DPP10: variants seen among roughly 807,000 people sequenced by gnomAD.
DPP10 encodes dipeptidyl peptidase like 10, also known as inactive dipeptidyl peptidase 10.
In DPP10, 33 loss-of-function variants were observed where a neutral mutation model predicts 120.9. The observed-to-expected ratio is 0.27, with a 90% confidence interval of 0.21 to 0.37. The LOEUF (loss-of-function observed/expected upper bound fraction) is 0.37, where lower values mean the gene tolerates loss of function less well. Ranked by LOEUF, DPP10 falls within the 10% of genes least tolerant of loss-of-function variation. The pLI, the probability that DPP10 is intolerant of heterozygous loss-of-function variation, is 1.00. For missense variants in DPP10, 816 were observed against 942.8 expected, an observed-to-expected ratio of 0.87 and a Z score of 1.76; for synonymous variants, 337 against 326.1, an observed-to-expected ratio of 1.03 and a Z score of -0.36.
At chr2:114,910,827 T>C (rs1322035201) in intron 1 of DPP10, among the ~76,000 whole-genome samples, 1 of 152,154 alleles carries the variant, frequency 6.6e-6, no homozygotes, top group Non-Finnish European at 1.5e-5. Context: ...TTTGATACAT[T>C]TTTTTCAATT....
At chr2:114,591,632 G>T (rs1259021205) in intron 1 of DPP10, among the ~76,000 whole-genome samples, 1 of 145,076 alleles carries the variant, frequency 6.9e-6, no homozygotes, top group Non-Finnish European at 1.5e-5. Flanking sequence ...TTGGCTCACT[G>T]CAACCTCTGC....
At chr2:115,781,395 G>C (rs1682748452) in intron 16 of DPP10, among the ~76,000 whole-genome samples, 1 of 151,824 alleles carries the variant, frequency 6.6e-6, no homozygotes, top group Non-Finnish European at 1.5e-5. Flanking sequence ...GGAAATTTAG[G>C]ACCTGTGGAA....
At chr2:115,752,360 A>T (rs1226177232) in intron 10 of DPP10, among the ~76,000 whole-genome samples, 2 of 152,186 alleles carry the variant, frequency 1.3e-5, no homozygotes, top group Non-Finnish European at 2.9e-5. Flanking sequence ...GACATATTGT[A>T]TACCTGTCCA....
chr2:115,088,673 T>G (rs2104542546), intron 1 of DPP10, among the ~76,000 whole-genome samples: 1 of 129,334 alleles, frequency 7.7e-6, no homozygotes, highest in African/African-American at 2.9e-5. Flanking sequence ...CTCAAATTCC[T>G]GGCCTCAAGC....
chr2:114,976,933 T>C (rs892623882), intron 1 of DPP10, among the ~76,000 whole-genome samples: 3 of 152,162 alleles, frequency 2.0e-5, no homozygotes, highest in African/African-American at 7.2e-5. Flanking sequence ...ATCTTCCATA[T>C]CTATCATCTT....
intron 3 of DPP10, among the ~76,000 whole-genome samples, chr2:115,391,070 C>T (rs1353065959): frequency 6.6e-6 from 1 of 152,094 alleles, no homozygotes; most frequent in Non-Finnish European, 1.5e-5. Context: ...GCAGAGCTGT[C>T]AAGAAGGCTA....
intron 3 of DPP10, among the ~76,000 whole-genome samples, chr2:115,384,536 A>G (rs28862304): frequency 8.1e-6 from 1 of 124,096 alleles, no homozygotes; most frequent in African/African-American, 2.9e-5. Flanking sequence ...AGAAGAAGAA[A>G]GAAGAAGAAG....
intron 5 of DPP10, among the ~76,000 whole-genome samples, chr2:115,575,619 C>T (rs1575220678): frequency 6.6e-6 from 1 of 152,274 alleles, no homozygotes; most frequent in Middle Eastern, 3.4e-3. Context: ...CAGGATCTCA[C>T]CCTTGCAATT....
In DPP10 at chr2:114,524,881, C is replaced by A. The variant is rs576973645; in HGVS notation, c.60+82043C>A. On this transcript the variant is annotated intron_variant, in intron 1 of 25. Transcript: ENST00000410059. Reference sequence around the variant, plus strand: ...TCTTTTATTACATGAATCTAAATTTCATTGAATCCCATTCCTTCTTCCTCT... The same window carrying A: ...TCTTTTATTACATGAATCTAAATTTAATTGAATCCCATTCCTTCTTCCTCT... 2.0e-5 allele frequency among the ~76,000 whole-genome samples: 3 copies of A among 152,302 alleles called. No individual in the cohort carries two copies. The East Asian group carries it at 5.8e-4, about 29-fold the overall frequency.
At chr2:114,463,542 CA>C (rs1372590255) in intron 1 of DPP10, 1 of 152,180 alleles carries the variant, frequency 6.6e-6, no homozygotes, top group Non-Finnish European at 1.5e-5. Flanking sequence ...CTTAGGTCAA[CA>C]GTCTTTAACC....
intron 1 of DPP10, among the ~76,000 whole-genome samples, chr2:115,295,224 C>T (rs944977725): frequency 2.6e-5 from 4 of 152,048 alleles, no homozygotes; most frequent in South Asian, 4.1e-4. Flanking sequence ...GGCTTTGAGG[C>T]GAGTAATTGC....
intron 2 of DPP10, among the ~76,000 whole-genome samples, chr2:115,313,079 C>T (rs1000843553): frequency 2.6e-5 from 4 of 152,002 alleles, no homozygotes; most frequent in South Asian, 2.1e-4. Flanking sequence ...AAAAATGAGC[C>T]GGGCATGGTG....
At chr2:115,547,865 AAC>A (rs2079611527) in intron 5 of DPP10, among the ~76,000 whole-genome samples, 1 of 152,052 alleles carries the variant, frequency 6.6e-6, no homozygotes, top group Admixed American at 6.6e-5. Flanking sequence ...GCACTTATCT[AAC>A]AGTCTTAAGT....
At chr2:115,151,414 C>CTTTTTTTTTTT (rs35551255) in intron 1 of DPP10, among the ~76,000 whole-genome samples, 1 of 141,156 alleles carries the variant, frequency 7.1e-6, no homozygotes. Context: ...CTTTCTTATA[C>CTTTTTTTTTTT]TTTTTTTTTT....
chr2:114,524,966 T>A (rs1005903099), intron 1 of DPP10, among the ~76,000 whole-genome samples: 3 of 152,182 alleles, frequency 2.0e-5, no homozygotes, highest in African/African-American at 7.2e-5. Context: ...CATTGGTCAT[T>A]GTCTCAGCTG....
chr2:114,877,062 C>T (rs780722437), intron 1 of DPP10, among the ~76,000 whole-genome samples: 6 of 151,992 alleles, frequency 3.9e-5, no homozygotes, highest in Non-Finnish European at 7.4e-5. Context: ...GCTTTAAATG[C>T]AAATATATGA....
chr2:114,556,849 A>C (rs1258198751), intron 1 of DPP10, among the ~76,000 whole-genome samples: 1 of 152,188 alleles, frequency 6.6e-6, no homozygotes, highest in Non-Finnish European at 1.5e-5. Context: ...TGTTGCTGAA[A>C]AGGTAAGATG....
At chr2:115,671,498 A>G (rs946163477) in intron 5 of DPP10, among the ~76,000 whole-genome samples, 1 of 151,984 alleles carries the variant, frequency 6.6e-6, no homozygotes, top group Admixed American at 6.6e-5. Flanking sequence ...TCAAATAGCT[A>G]TTGAGCACTG....
intron 1 of DPP10, among the ~76,000 whole-genome samples, chr2:114,597,160 C>A (rs902318191): frequency 5.3e-5 from 8 of 152,006 alleles, no homozygotes; most frequent in African/African-American, 1.9e-4. Flanking sequence ...AAGACAATGG[C>A]ATTCCAGCAA....
Sources: allele counts gnomAD v4.1 joint callset (sites outside exome capture counted in the v4.1 genomes callset), GRCh38; gene constraint gnomAD v4.1.1; transcripts MANE v1.5; gene names NCBI Gene and HGNC (gene_info 2026-07-23, HGNC 2026-07-21).